The following LOC128462377 variants were observed in gnomAD, a reference collection of about 807,000 sequenced individuals.
the LOC128462377 span, chr16:89,373,256 A>G: frequency 6.6e-6 from 1 of 152,224 alleles, no homozygotes; most frequent in Non-Finnish European, 1.5e-5. Flanking sequence ...AAAAACACCT[A>G]TTTCCAAAAT....
the LOC128462377 span, among the ~76,000 whole-genome samples, chr16:89,345,816 G>C: frequency 1.3e-5 from 2 of 152,140 alleles, no homozygotes; most frequent in Non-Finnish European, 2.9e-5. Context: ...ATCAATGCTA[G>C]GTACAGACTT....
At chr16:89,406,539 C>A in the LOC128462377 span, among the ~76,000 whole-genome samples, 1,007 of 152,268 alleles carry the variant, frequency 6.6e-3, 41 homozygotes, top group Admixed American at 0.047. Flanking sequence ...GACACACAGG[C>A]ACCAGAGGCT....
the LOC128462377 span, among the ~76,000 whole-genome samples, chr16:89,332,014 C>T: frequency 6.6e-6 from 1 of 151,250 alleles, no homozygotes; most frequent in Non-Finnish European, 1.5e-5. Context: ...CAGTAGCATG[C>T]AGTGGCTGAT....
chr16:89,380,365 G>A, the LOC128462377 span, among the ~76,000 whole-genome samples: 3 of 152,082 alleles, frequency 2.0e-5, no homozygotes, highest in African/African-American at 7.2e-5. Flanking sequence ...ACCCACCTCG[G>A]CCTCCCAAAG....
the LOC128462377 span, among the ~76,000 whole-genome samples, chr16:89,327,005 G>GGGGGAATGCAGAGGT: frequency 2.8e-4 from 38 of 137,648 alleles, no homozygotes; most frequent in Admixed American, 1.2e-3. Context: ...GGAATGCAGA[G>GGGGGAATGCAGAGGT]GGGGAATGCA....
chr16:89,403,785 T>C, the LOC128462377 span: 1 of 151,846 alleles, frequency 6.6e-6, no homozygotes, highest in African/African-American at 2.4e-5. Context: ...ATAAAAAAAT[T>C]AGGCGGGTGT....
At chr16:89,334,370 A>ACCCCAAG in the LOC128462377 span, among the ~76,000 whole-genome samples, 8 of 151,980 alleles carry the variant, frequency 5.3e-5, no homozygotes, top group African/African-American at 1.7e-4. Context: ...ACTGAACAGA[A>ACCCCAAG]ACAACCTCCT....
the LOC128462377 span, among the ~76,000 whole-genome samples, chr16:89,400,975 G>A: frequency 6.6e-6 from 1 of 152,178 alleles, no homozygotes; most frequent in Non-Finnish European, 1.5e-5. Context: ...CCCCGGGGCT[G>A]CCTGGCATGG....
chr16:89,362,732 C>G, the LOC128462377 span, among the ~76,000 whole-genome samples: 1 of 152,170 alleles, frequency 6.6e-6, no homozygotes, highest in Non-Finnish European at 1.5e-5. Context: ...AAGTATCTGC[C>G]CTGGCATGCT....
At chr16:89,417,332 C>G in the LOC128462377 span, among the ~76,000 whole-genome samples, 1 of 152,240 alleles carries the variant, frequency 6.6e-6, no homozygotes, top group Non-Finnish European at 1.5e-5. Context: ...AACCATGACT[C>G]ACACCTGGCC....
At chr16:89,344,146 G>C in the LOC128462377 span, among the ~76,000 whole-genome samples, 1 of 152,182 alleles carries the variant, frequency 6.6e-6, no homozygotes, top group East Asian at 1.9e-4. Flanking sequence ...TCTGTGCTCT[G>C]GGAGGAGCAC....
the LOC128462377 span, among the ~76,000 whole-genome samples, chr16:89,415,112 C>T: frequency 1.3e-5 from 2 of 151,950 alleles, no homozygotes; most frequent in Non-Finnish European, 2.9e-5. Context: ...TGCCACCATG[C>T]CTGGCTCATT....
the LOC128462377 span, among the ~76,000 whole-genome samples, chr16:89,403,432 A>G: frequency 3.3e-5 from 5 of 152,150 alleles, no homozygotes; most frequent in African/African-American, 9.7e-5. Flanking sequence ...GGGGAACCCA[A>G]GTCCCGAGGA....
the LOC128462377 span, among the ~76,000 whole-genome samples, chr16:89,409,449 C>G: frequency 2.0e-5 from 3 of 152,284 alleles, no homozygotes; most frequent in Middle Eastern, 0.01. Flanking sequence ...GTCTTGTGCA[C>G]GTCACGGCCC....
the LOC128462377 span, among the ~76,000 whole-genome samples, chr16:89,359,822 T>A: frequency 1.3e-5 from 2 of 152,206 alleles, no homozygotes; most frequent in African/African-American, 4.8e-5. Context: ...TTTTATTCAA[T>A]TCTTGTGTAA....
chr16:89,377,301 G>A, the LOC128462377 span, among the ~76,000 whole-genome samples: 2 of 152,082 alleles, frequency 1.3e-5, no homozygotes, highest in African/African-American at 4.8e-5. Flanking sequence ...TGAGTGTCTG[G>A]AAGATGACAC....
At chr16:89,379,128 T>TTC in the LOC128462377 span, among the ~76,000 whole-genome samples, 3 of 152,344 alleles carry the variant, frequency 2.0e-5, no homozygotes, top group South Asian at 6.2e-4. Context: ...TCTCACTGGC[T>TTC]TCTAGAAGGT....
the LOC128462377 span, among the ~76,000 whole-genome samples, chr16:89,374,006 C>T: frequency 2.6e-5 from 4 of 152,224 alleles, no homozygotes; most frequent in African/African-American, 7.2e-5. Flanking sequence ...ACAATACCTG[C>T]AGGACAGGAG....
chr16:89,384,874 G>GT, the LOC128462377 span, among the ~76,000 whole-genome samples: 15 of 72,748 alleles, frequency 2.1e-4, no homozygotes, highest in East Asian at 2.6e-3. Context: ...ATGAGAAATA[G>GT]TTTTCTTTTT....
Sources: gnomAD v4.1 joint callset for allele counts (sites outside exome capture counted in the v4.1 genomes callset) on GRCh38, gnomAD v4.1.1 for gene constraint, MANE v1.5 for transcripts.